Variants in PKN2 observed in about 807,000 individuals in gnomAD.
The protein encoded by PKN2 is protein kinase N2.
PKN2 carries 38 observed loss-of-function variants against 119.1 expected under a neutral mutation model. The observed-to-expected ratio is 0.32, with a 90% confidence interval of 0.25 to 0.42. The LOEUF is 0.42. Among genes scored for constraint, PKN2 ranks in the 10% least tolerant of loss-of-function variants. PKN2 has a pLI of 1.00. For missense variants in PKN2, 850 were observed against 1,165.1 expected (o/e 0.73, Z 3.94); for synonymous variants, 390 against 384.9 (o/e 1.01, Z -0.15).
At chr1:88,761,731 G>T (rs1669451641) in intron 3 of PKN2, among the ~76,000 whole-genome samples, 1 of 151,108 alleles carries the variant, frequency 6.6e-6, no homozygotes, top group Admixed American at 6.6e-5. Flanking sequence ...TATTTCAAAA[G>T]AATTTTTTGT....
At chr1:88,827,864 C>T (rs1672571580) in intron 18 of PKN2, among the ~76,000 whole-genome samples, 1 of 151,750 alleles carries the variant, frequency 6.6e-6, no homozygotes, top group African/African-American at 2.4e-5. Context: ...AGATTACAGG[C>T]GGGAGCCACC....
At chr1:88,739,913 A>G (rs956808356) in intron 1 of PKN2, among the ~76,000 whole-genome samples, 10 of 152,124 alleles carry the variant, frequency 6.6e-5, no homozygotes, top group African/African-American at 4.8e-5. Context: ...CAAATTACCA[A>G]TTGGAGTACT....
chr1:88,764,940 T>C (rs1388185887), intron 3 of PKN2, among the ~76,000 whole-genome samples: 1 of 152,124 alleles, frequency 6.6e-6, no homozygotes, highest in Non-Finnish European at 1.5e-5. Flanking sequence ...TTGTTTTGTT[T>C]TTGAGACAGA....
intron 8 of PKN2, among the ~76,000 whole-genome samples, chr1:88,800,172 G>T (rs66549395): frequency 0.067 from 10,171 of 152,110 alleles, 699 homozygotes; most frequent in African/African-American, 0.18. Context: ...TCTCAATTCA[G>T]TGTCCTCAGT....
intron 1 of PKN2, among the ~76,000 whole-genome samples, chr1:88,717,179 G>A (rs1313142537): frequency 1.3e-5 from 2 of 152,104 alleles, no homozygotes; most frequent in East Asian, 3.8e-4. Context: ...TAGTCTGATG[G>A]GCTTCCCTTT....
At chr1:88,769,361 A>G (rs904407113) in intron 3 of PKN2, among the ~76,000 whole-genome samples, 1 of 152,154 alleles carries the variant, frequency 6.6e-6, no homozygotes, top group African/African-American at 2.4e-5. Flanking sequence ...TTGGAACACA[A>G]TTGCTATCTG....
At chr1:88,809,395 A>T (rs1353396276) in intron 15 of PKN2, among the ~76,000 whole-genome samples, 2 of 152,186 alleles carry the variant, frequency 1.3e-5, no homozygotes, top group Non-Finnish European at 2.9e-5. Flanking sequence ...TTCCTGAAGG[A>T]ATATTTGCTT....
At chr1:88,778,903 C>T (rs940246588) in intron 6 of PKN2, among the ~76,000 whole-genome samples, 4 of 151,854 alleles carry the variant, frequency 2.6e-5, no homozygotes, top group Non-Finnish European at 4.4e-5. Context: ...TTAGTAGAGA[C>T]GGGGGTGGGG....
chr1:88,732,734 A>G (rs2100729239), intron 1 of PKN2, among the ~76,000 whole-genome samples: 1 of 152,328 alleles, frequency 6.6e-6, no homozygotes, highest in African/African-American at 2.4e-5. Context: ...GAGAAACACT[A>G]TTTTTAAATT....
intron 18 of PKN2, among the ~76,000 whole-genome samples, chr1:88,827,229 G>A (rs1444080554): frequency 6.6e-6 from 1 of 152,026 alleles, no homozygotes; most frequent in East Asian, 1.9e-4. Context: ...AATAAATTAT[G>A]AGGAACATAT....
chr1:88,781,614 C>T (rs574409142), intron 6 of PKN2, among the ~76,000 whole-genome samples: 3 of 152,042 alleles, frequency 2.0e-5, no homozygotes, highest in Non-Finnish European at 4.4e-5. Context: ...ATTGTGTCAC[C>T]TCATAAAGAA....
In PKN2 at chr1:88,740,990, G is replaced by A. The variant is rs779527969; in HGVS notation, c.51G>A (p.Gly17=). Residue 17 remains glycine (G), a splice_region_variant and synonymous_variant, in exon 2 of 22, where the codon GGG becomes GGA. Transcript: ENST00000370521. ...TTGTATGTTTATTTTTTCTGTAGGG[G>A]GATTCCCGAAGTCTTCCGTTTTCTG... The part of the protein sequence containing the change: ...RGEILLTELQ[G]DSRSLPFSEN... The A allele has an allele frequency of 6.4e-7, 1 of 1,553,454 alleles. No individual in the cohort carries two copies. Among genetic ancestry groups the A allele is most frequent in the Non-Finnish European group, 8.6e-7 (1 of 1,156,266 alleles).
intron 1 of PKN2, among the ~76,000 whole-genome samples, chr1:88,716,249 C>G (rs1667446637): frequency 1.3e-5 from 2 of 152,142 alleles, no homozygotes; most frequent in South Asian, 4.1e-4. Context: ...CGATGTGGTG[C>G]TGAGAAGAAT....
chr1:88,821,940 G>C lies in PKN2; in HGVS notation c.2280-1G>C. On this transcript the variant is annotated splice_acceptor_variant, in intron 16 of 21. Coordinates refer to ENST00000370521, the MANE Select transcript of PKN2 (RefSeq NM_006256.4). LOFTEE classifies it high-confidence loss of function. ...TCCTGTTGATTTAATTCTTCAAACA[G>C]ATTTTATGCTGCTTGTGTAGTTCTT... The C allele has an allele frequency of 6.4e-7, 1 of 1,573,676 alleles. No individual in the cohort carries two copies. The highest frequency in any genetic ancestry group is 8.6e-7 in the Non-Finnish European group (1 of 1,164,708).
At chr1:88,756,517 A>AT (rs1328333391) in intron 2 of PKN2, among the ~76,000 whole-genome samples, 1 of 152,144 alleles carries the variant, frequency 6.6e-6, no homozygotes, top group Non-Finnish European at 1.5e-5. Flanking sequence ...TAAATACACC[A>AT]TCAACTGTTT....
intron 3 of PKN2, among the ~76,000 whole-genome samples, chr1:88,765,097 T>C (rs1207058024): frequency 1.3e-5 from 2 of 152,078 alleles, no homozygotes; most frequent in African/African-American, 2.4e-5. Flanking sequence ...TGGCTACTTT[T>C]TTTGTATTGC....
At chr1:88,697,660 C>T (rs57942776) in intron 1 of PKN2, among the ~76,000 whole-genome samples, 2,270 of 152,194 alleles carry the variant, frequency 0.015, 42 homozygotes, top group African/African-American at 0.052. Flanking sequence ...GTCCTAATTC[C>T]TTAGCTAGGC....
chr1:88,715,708 C>G (rs891952199), intron 1 of PKN2, among the ~76,000 whole-genome samples: 11 of 152,036 alleles, frequency 7.2e-5, no homozygotes, highest in African/African-American at 2.7e-4. Flanking sequence ...GTCTTGCTAG[C>G]GGTCCATCAA....
chr1:88,823,320 A>G (rs1355101627), intron 17 of PKN2, among the ~76,000 whole-genome samples: 1 of 152,230 alleles, frequency 6.6e-6, no homozygotes, highest in Non-Finnish European at 1.5e-5. Flanking sequence ...TTATTCTTTC[A>G]GAAGATGAAA....
Sources: gnomAD v4.1 joint callset for allele counts (sites outside exome capture counted in the v4.1 genomes callset) on GRCh38, gnomAD v4.1.1 for gene constraint, MANE v1.5 for transcripts, NCBI Gene and HGNC (gene_info 2026-07-23, HGNC 2026-07-21) for gene names.